TET1: variants seen among roughly 807,000 people sequenced by gnomAD.
TET1 encodes methylcytosine dioxygenase TET1.
In TET1, 13 loss-of-function variants were observed where a neutral mutation model predicts 148.7. That is an observed-to-expected ratio of 0.09 (90% CI 0.06 to 0.14). The LOEUF (loss-of-function observed/expected upper bound fraction) is 0.14. Among genes scored for constraint, TET1 ranks in the 10% least tolerant of loss-of-function variants. TET1 has a pLI of 1.00. For synonymous variants in TET1, 907 were observed against 937.2 expected, an observed-to-expected ratio of 0.97 and a Z score of 0.59; for missense variants, 2,182 against 2,553.8, an observed-to-expected ratio of 0.85 and a Z score of 3.14.
At chr10:68,565,879 C>T (rs2053602863) in intron 1 of TET1, among the ~76,000 whole-genome samples, 1 of 152,086 alleles carries the variant, frequency 6.6e-6, no homozygotes, top group Non-Finnish European at 1.5e-5. Flanking sequence ...GTTTTCTCCC[C>T]TGCAGTTGGG....
At position 68,646,000 on chromosome 10, in the gene TET1, A is replaced by C. The variant is rs746346894; in HGVS notation, c.3271A>C (p.Asn1091His). Residue 1091 changes from asparagine (N) to histidine (H), a missense_variant, in exon 4 of 12, where the codon AAT (asparagine) becomes CAT (histidine). By Grantham distance (68) the Asn-to-His change is moderately conservative. Around this residue, in one of 11 missense-constraint regions of TET1, gnomAD observed 582 missense variants for 599.5 expected, o/e 0.97. Coordinates refer to ENST00000373644, the MANE Select transcript of TET1 (RefSeq NM_030625.3). ...ACAACTTGCTTCGATAATTAAGATCAATTATATAAAACCAGAGGACAAAAA... is the reference window on the plus strand; with the variant it reads ...ACAACTTGCTTCGATAATTAAGATCCATTATATAAAACCAGAGGACAAAAA... ...LTQLASIIKI[N>H]YIKPEDKKVE... 1 of 1,614,092 alleles carries C rather than the reference A, an allele frequency of 6.2e-7. No homozygotes were observed.
intron 1 of TET1, among the ~76,000 whole-genome samples, chr10:68,568,712 G>A (rs994800030): frequency 2.6e-5 from 4 of 152,174 alleles, no homozygotes; most frequent in African/African-American, 7.2e-5. Flanking sequence ...TTAGACTGGC[G>A]TGGTGGCACA....
intron 3 of TET1, among the ~76,000 whole-genome samples, chr10:68,625,383 A>G (rs2054462895): frequency 6.6e-6 from 1 of 152,210 alleles, no homozygotes; most frequent in African/African-American, 2.4e-5. Context: ...CCAAGGCTTC[A>G]TCACACAGGA....
chr10:68,628,014 G>C (rs1258821925), intron 3 of TET1, among the ~76,000 whole-genome samples: 1 of 152,076 alleles, frequency 6.6e-6, no homozygotes, highest in South Asian at 2.1e-4. Context: ...TTATTTTTGG[G>C]GGGGACAGAG....
intron 6 of TET1, among the ~76,000 whole-genome samples, chr10:68,664,127 C>T (rs555772216): frequency 2.0e-5 from 3 of 152,114 alleles, no homozygotes; most frequent in South Asian, 2.1e-4. Context: ...GCCACGGTGC[C>T]GGCCTGGGTA....
intron 3 of TET1, among the ~76,000 whole-genome samples, chr10:68,628,144 G>A (rs796260524): frequency 1.3e-5 from 2 of 151,948 alleles, no homozygotes; most frequent in Non-Finnish European, 2.9e-5. Context: ...GATGGGTTTC[G>A]CCATGTTGGC....
At chr10:68,617,006 C>CTTTTTTTTTTTTTTT (rs71019039) in intron 3 of TET1, among the ~76,000 whole-genome samples, 1 of 39,614 alleles carries the variant, frequency 2.5e-5, no homozygotes, top group Non-Finnish European at 4.5e-5. Context: ...CGCGCCTGGC[C>CTTTTTTTTTTTTTTT]TTTTTTTTTT....
At chr10:68,637,931 C>CA (rs1202008830) in intron 3 of TET1, among the ~76,000 whole-genome samples, 1 of 151,952 alleles carries the variant, frequency 6.6e-6, no homozygotes, top group Non-Finnish European at 1.5e-5. Flanking sequence ...AGGCATGTGC[C>CA]ACCTCGCCTG....
At chr10:68,678,941 T>A (rs2055399890) in intron 8 of TET1, among the ~76,000 whole-genome samples, 1 of 151,286 alleles carries the variant, frequency 6.6e-6, no homozygotes, top group African/African-American at 2.4e-5. Flanking sequence ...TTTGGAAAGC[T>A]GAGGCAGGTG....
chr10:68,663,120 T>C (rs1420869539), intron 6 of TET1, among the ~76,000 whole-genome samples: 1 of 152,216 alleles, frequency 6.6e-6, no homozygotes, highest in Admixed American at 6.5e-5. Context: ...ATCCATGTAA[T>C]AAAACTGCAC....
At chr10:68,666,995 C>T in intron 6 of TET1, 50 bp from the exon 7 acceptor site, 2 of 1,505,348 alleles carry the variant, frequency 1.3e-6, no homozygotes, top group Admixed American at 1.9e-5. Flanking sequence ...CCATTGCATT[C>T]AAATTTGGCA....
At chr10:68,640,696 C>T (rs185129963) in intron 3 of TET1, among the ~76,000 whole-genome samples, 22 of 150,816 alleles carry the variant, frequency 1.5e-4, no homozygotes, top group South Asian at 2.1e-4. Context: ...GGACTACAGG[C>T]GCCTGCCACC....
chr10:68,669,644 A>G (rs546578042), intron 7 of TET1, among the ~76,000 whole-genome samples: 12 of 148,660 alleles, frequency 8.1e-5, no homozygotes, highest in South Asian at 6.5e-4. Flanking sequence ...GTGAGCCACC[A>G]CGTCCAGCCC....
intron 3 of TET1, among the ~76,000 whole-genome samples, chr10:68,606,173 C>G (rs2054121059): frequency 6.6e-6 from 1 of 152,054 alleles, no homozygotes; most frequent in Non-Finnish European, 1.5e-5. Flanking sequence ...TCAAGACCAC[C>G]CTGGCCAACA....
At chr10:68,675,924 C>T (rs1321030934) in intron 8 of TET1, among the ~76,000 whole-genome samples, 4 of 152,028 alleles carry the variant, frequency 2.6e-5, no homozygotes, top group Non-Finnish European at 5.9e-5. Flanking sequence ...GGCTTGATCT[C>T]GGCTCACTGC....
At chr10:68,649,790 C>G (rs1260190878) in intron 4 of TET1, among the ~76,000 whole-genome samples, 1 of 152,106 alleles carries the variant, frequency 6.6e-6, no homozygotes, top group Non-Finnish European at 1.5e-5. Flanking sequence ...TGCAAAATAA[C>G]TAGTCACAGC....
Position 68,652,576 on chromosome 10 carries a change from G to A in TET1, c.4443G>A (p.Gly1481=). 1 of 1,610,154 alleles carries A rather than the reference G, an allele frequency of 6.2e-7. No homozygotes were observed. The highest frequency in any genetic ancestry group is 8.5e-7 in the Non-Finnish European group (1 of 1,177,792). ...GTAAAGAAGGGAAAAGCTCTCATGG[G>A]TGTCCAATTGCTAAGTGGGTAAGTA... ...YTGKEGKSSH[G]CPIAKWVLRR... Residue 1481 remains glycine, a synonymous_variant, in exon 6 of 12, where the codon GGG becomes GGA. Coordinates refer to ENST00000373644, the MANE Select transcript of TET1 (RefSeq NM_030625.3).
At chr10:68,667,401 A>AAG in intron 7 of TET1, 145 bp downstream of exon 7, 1 of 751,474 alleles carries the variant, frequency 1.3e-6, no homozygotes, top group Non-Finnish European at 2.1e-6. Flanking sequence ...CATTTCTGTA[A>AAG]AGAGAGAGTC....
chr10:68,669,474 C>CTTTTTTTTTTTTTTTTTTTTT (rs3085667), intron 7 of TET1, among the ~76,000 whole-genome samples: 5 of 61,618 alleles, frequency 8.1e-5, no homozygotes, highest in Non-Finnish European at 1.2e-4. Flanking sequence ...CCATGCCCAG[C>CTTTTTTTTTTTTTTTTTTTTT]TTTTTTTTTT....
Sources: gnomAD v4.1 joint callset for allele counts (sites outside exome capture counted in the v4.1 genomes callset) on GRCh38, gnomAD v4.1.1 for gene constraint, gnomAD v4.1.1 regional missense constraint, MANE v1.5 for transcripts, NCBI Gene and HGNC (gene_info 2026-07-23, HGNC 2026-07-21) for gene names.